CNTN5: variants seen among roughly 807,000 people sequenced by gnomAD.
CNTN5 encodes contactin-5.
Under a neutral mutation model 129.1 loss-of-function variants are expected in CNTN5, and 77 were observed. That is an observed-to-expected ratio of 0.60 (90% CI 0.50 to 0.72). CNTN5 has a LOEUF of 0.72. Among genes scored for constraint, CNTN5 ranks in the 30% least tolerant of loss-of-function variants. The pLI is 0.00. For missense variants in CNTN5, 1,478 were observed against 1,328.8 expected, an observed-to-expected ratio of 1.11 and a Z score of -1.75; for synonymous variants, 509 against 465.6, an observed-to-expected ratio of 1.09 and a Z score of -1.20.
intron 2 of CNTN5, among the ~76,000 whole-genome samples, chr11:99,349,742 G>A (rs941082117): frequency 6.6e-6 from 1 of 152,144 alleles, no homozygotes; most frequent in Non-Finnish European, 1.5e-5. Context: ...ACTCATTTAA[G>A]AACAGGATAT....
intron 2 of CNTN5, among the ~76,000 whole-genome samples, chr11:99,396,692 T>C (rs1368861924): frequency 6.6e-6 from 1 of 151,732 alleles, no homozygotes; most frequent in Non-Finnish European, 1.5e-5. Context: ...AAATTTGTAT[T>C]TAGCGGTACT....
At chr11:99,242,404 T>A (rs925112590) in intron 1 of CNTN5, among the ~76,000 whole-genome samples, 1 of 152,260 alleles carries the variant, frequency 6.6e-6, no homozygotes, top group Non-Finnish European at 1.5e-5. Context: ...AAGACAACTA[T>A]TAAATATTCT....
intron 1 of CNTN5, among the ~76,000 whole-genome samples, chr11:99,165,169 A>G (rs966309672): frequency 2.0e-5 from 3 of 152,196 alleles, no homozygotes; most frequent in Admixed American, 1.3e-4. Flanking sequence ...GAGGTTGTAA[A>G]TCTGATAGTT....
At chr11:99,488,135 A>G (rs1286753234) in intron 2 of CNTN5, among the ~76,000 whole-genome samples, 1 of 149,028 alleles carries the variant, frequency 6.7e-6, no homozygotes, top group African/African-American at 2.5e-5. Flanking sequence ...CTAGTGAAGA[A>G]TCTCTTCTAA....
chr11:100,034,698 C>T (rs1044516398), intron 9 of CNTN5, among the ~76,000 whole-genome samples: 2 of 152,144 alleles, frequency 1.3e-5, no homozygotes, highest in African/African-American at 4.8e-5. Context: ...ACAATGGCAG[C>T]CTTAGGTACT....
chr11:100,001,559 A>T (rs1052769396), intron 8 of CNTN5, among the ~76,000 whole-genome samples: 10 of 152,170 alleles, frequency 6.6e-5, no homozygotes, highest in African/African-American at 4.8e-5. Context: ...TTCTCTCTTT[A>T]AGAATATAGT....
At chr11:99,810,458 C>T (rs1386072918) in intron 3 of CNTN5, among the ~76,000 whole-genome samples, 1 of 151,990 alleles carries the variant, frequency 6.6e-6, no homozygotes, top group Non-Finnish European at 1.5e-5. Context: ...CTTTAAAAAT[C>T]GTGTATTTCA....
intron 2 of CNTN5, among the ~76,000 whole-genome samples, chr11:99,505,519 G>T (rs1341021200): frequency 3.9e-5 from 6 of 152,128 alleles, no homozygotes; most frequent in African/African-American, 1.4e-4. Context: ...ATTCACTCTG[G>T]TCATTTAGAC....
chr11:100,343,644 C>G (rs1439426630), intron 23 of CNTN5, among the ~76,000 whole-genome samples: 1 of 152,088 alleles, frequency 6.6e-6, no homozygotes, highest in Non-Finnish European at 1.5e-5. Context: ...CCAGAGAACA[C>G]AAGCTTGGAG....
chr11:100,054,963 G>C (rs1943136553), intron 9 of CNTN5, among the ~76,000 whole-genome samples: 1 of 127,292 alleles, frequency 7.9e-6, no homozygotes, highest in South Asian at 2.7e-4. Context: ...AAAGAGTAGA[G>C]AGTCATAGAT....
chr11:99,159,717 A>C (rs1453810188), intron 1 of CNTN5, among the ~76,000 whole-genome samples: 3 of 152,222 alleles, frequency 2.0e-5, no homozygotes, highest in Admixed American at 6.5e-5. Context: ...TTGTTCCATT[A>C]ATTTTTAAAA....
At chr11:99,535,362 A>G (rs959597607) in intron 2 of CNTN5, among the ~76,000 whole-genome samples, 1 of 152,304 alleles carries the variant, frequency 6.6e-6, no homozygotes, top group South Asian at 2.1e-4. Context: ...TAAACAGTAG[A>G]CAGAATAGAA....
At chr11:100,126,773 G>C (rs936006939) in intron 13 of CNTN5, among the ~76,000 whole-genome samples, 1 of 151,994 alleles carries the variant, frequency 6.6e-6, no homozygotes, top group Non-Finnish European at 1.5e-5. Context: ...TGTTTAGATC[G>C]TTTACCTTCA....
intron 9 of CNTN5, among the ~76,000 whole-genome samples, chr11:100,058,892 G>A (rs1201905975): frequency 6.6e-6 from 1 of 152,130 alleles, no homozygotes; most frequent in Non-Finnish European, 1.5e-5. Context: ...GGACTTTGCT[G>A]AAGAGGAGGC....
intron 16 of CNTN5, among the ~76,000 whole-genome samples, chr11:100,255,063 A>G (rs904856380): frequency 1.3e-5 from 2 of 152,134 alleles, no homozygotes; most frequent in African/African-American, 4.8e-5. Context: ...ATTCTATACC[A>G]TTCTTTCATA....
chr11:99,257,016 C>A (rs1862405275), intron 1 of CNTN5, among the ~76,000 whole-genome samples: 1 of 152,020 alleles, frequency 6.6e-6, no homozygotes, highest in South Asian at 2.1e-4. Flanking sequence ...AAGCTCTTTG[C>A]CCAAATCATT....
chr11:100,012,186 C>G (rs1240973101), intron 9 of CNTN5, among the ~76,000 whole-genome samples: 1 of 152,128 alleles, frequency 6.6e-6, no homozygotes, highest in Non-Finnish European at 1.5e-5. Context: ...AAATTGCCAT[C>G]ATGAACTATT....
intron 2 of CNTN5, among the ~76,000 whole-genome samples, chr11:99,433,409 G>GTGTGTCTT (rs1565578716): frequency 0.015 from 2,242 of 147,592 alleles, 58 homozygotes; most frequent in African/African-American, 0.053. Flanking sequence ...GTGTCTTTGT[G>GTGTGTCTT]TGTGTGTGTG....
chr11:99,945,785 C>G (rs542802832), intron 7 of CNTN5, among the ~76,000 whole-genome samples: 1 of 151,998 alleles, frequency 6.6e-6, no homozygotes, highest in East Asian at 1.9e-4. Flanking sequence ...ACCTTACACG[C>G]TCATCGAGTT....
Sources: allele counts gnomAD v4.1 joint callset (sites outside exome capture counted in the v4.1 genomes callset), GRCh38; gene constraint gnomAD v4.1.1; transcripts MANE v1.5; gene names NCBI Gene and HGNC (gene_info 2026-07-23, HGNC 2026-07-21).